Variants in TMTC2 observed in about 807,000 individuals in gnomAD.
TMTC2 encodes transmembrane O-mannosyltransferase targeting cadherins 2.
In TMTC2, 43 loss-of-function variants were observed where a neutral mutation model predicts 82.4. The ratio of observed to expected loss-of-function variants is 0.52; its 90% CI spans 0.41 to 0.67. The LOEUF (loss-of-function observed/expected upper bound fraction) is 0.67. TMTC2 is among the 30% of genes least tolerant of loss of function. The pLI is 0.00. For synonymous variants in TMTC2, 408 were observed against 381.9 expected, an observed-to-expected ratio of 1.07 and a Z score of -0.80; for missense variants, 919 against 1,012.4, an observed-to-expected ratio of 0.91 and a Z score of 1.25.
chr12:83,120,380 G>GA (rs529140727), intron 11 of TMTC2, among the ~76,000 whole-genome samples: 45 of 152,250 alleles, frequency 3.0e-4, no homozygotes, highest in Non-Finnish European at 3.4e-4. Flanking sequence ...TTGTTTGTCT[G>GA]AAAAAGACTG....
intron 3 of TMTC2, among the ~76,000 whole-genome samples, chr12:82,906,757 T>C (rs1347827717): frequency 6.6e-6 from 1 of 152,092 alleles, no homozygotes; most frequent in East Asian, 1.9e-4. Flanking sequence ...GGAAAACCAC[T>C]ATAGTATTTT....
intron 1 of TMTC2, among the ~76,000 whole-genome samples, chr12:82,720,243 A>C (rs1466004920): frequency 1.3e-5 from 2 of 152,158 alleles, no homozygotes; most frequent in African/African-American, 4.8e-5. Context: ...CCCCGACCCC[A>C]GCCCTCTGCA....
At chr12:82,978,609 TGTG>T (rs1878784137) in intron 7 of TMTC2, among the ~76,000 whole-genome samples, 1 of 151,850 alleles carries the variant, frequency 6.6e-6, no homozygotes, top group South Asian at 2.1e-4. Context: ...TGGCATAATA[TGTG>T]GTCTATTCTT....
intron 4 of TMTC2, among the ~76,000 whole-genome samples, chr12:82,940,553 T>C (rs748988145): frequency 3.0e-4 from 46 of 152,198 alleles, no homozygotes; most frequent in African/African-American, 4.3e-4. Flanking sequence ...TTCTGTATCA[T>C]AAATCTTACT....
intron 1 of TMTC2, among the ~76,000 whole-genome samples, chr12:82,842,834 T>C (rs1037318003): frequency 6.6e-6 from 1 of 152,180 alleles, no homozygotes; most frequent in African/African-American, 2.4e-5. Flanking sequence ...CCAAATTTTT[T>C]TTCTTGGACA....
At chr12:83,032,273 A>T (rs1209854406) in intron 9 of TMTC2, among the ~76,000 whole-genome samples, 1 of 26,886 alleles carries the variant, frequency 3.7e-5, no homozygotes, top group South Asian at 2.6e-3. Flanking sequence ...ATATATATAT[A>T]TATATATATA....
At chr12:83,085,281 T>TC (rs1883613031) in intron 11 of TMTC2, among the ~76,000 whole-genome samples, 1 of 152,200 alleles carries the variant, frequency 6.6e-6, no homozygotes, top group South Asian at 2.1e-4. Context: ...TGTTCTGACT[T>TC]CCCGTGACAG....
intron 8 of TMTC2, among the ~76,000 whole-genome samples, chr12:83,030,068 C>T (rs890437556): frequency 8.6e-5 from 13 of 151,882 alleles, no homozygotes; most frequent in African/African-American, 3.1e-4. Context: ...AAATATTTGG[C>T]CTGTAATATT....
At chr12:83,077,795 G>C (rs1237065969) in intron 11 of TMTC2, among the ~76,000 whole-genome samples, 1 of 148,254 alleles carries the variant, frequency 6.7e-6, no homozygotes, top group Non-Finnish European at 1.5e-5. Context: ...GGATGATCTT[G>C]ATCTCTTTAC....
At chr12:82,984,008 A>G (rs1261860161) in intron 7 of TMTC2, among the ~76,000 whole-genome samples, 1 of 152,084 alleles carries the variant, frequency 6.6e-6, no homozygotes, top group Admixed American at 6.5e-5. Flanking sequence ...GTTAGTTTTT[A>G]TAGAGATATG....
chr12:82,731,925 A>C (rs1437774228), intron 1 of TMTC2, among the ~76,000 whole-genome samples: 3 of 152,198 alleles, frequency 2.0e-5, no homozygotes, highest in African/African-American at 7.2e-5. Context: ...GTAAGTCATG[A>C]GGGCTTTCCC....
chr12:82,929,622 C>G (rs750622448), intron 3 of TMTC2, among the ~76,000 whole-genome samples: 4 of 152,102 alleles, frequency 2.6e-5, no homozygotes, highest in Non-Finnish European at 5.9e-5. Context: ...TCTTCTCATC[C>G]TCATCATTTG....
At position 82,694,260 on chromosome 12, in the gene TMTC2, T is replaced by C. The variant is rs1872696482; in HGVS notation, c.83+6591T>C. Among the ~76,000 whole-genome samples the C allele has an allele frequency of 1.3e-5, 2 of 152,168 alleles. 1 individual carries two copies. Among genetic ancestry groups the C allele is most frequent in the South Asian group, 4.1e-4 (2 of 4,828 alleles). On this transcript the variant is annotated intron_variant, in intron 1 of 11. Transcript: ENST00000321196. ...TTTGAAAAGCTAGAGATAATTATTT[T>C]AAAGATGAGATAGAGAGGTTTTGAT... is the stretch of plus-strand genomic sequence containing the variant.
In TMTC2 at chr12:82,726,469, C is replaced by T. The variant is rs948137477; in HGVS notation, c.83+38800C>T. On this transcript the variant is annotated intron_variant, in intron 1 of 11. Coordinates refer to ENST00000321196, the MANE Select transcript of TMTC2 (RefSeq NM_152588.3). Reference sequence around the variant, plus strand: ...GCTAGACACTTTACATATACTTTCTCCACCAGAGACTTTTCAGTGATGCTG... The same window carrying T: ...GCTAGACACTTTACATATACTTTCTTCACCAGAGACTTTTCAGTGATGCTG... 4.0e-4 allele frequency among the ~76,000 whole-genome samples: 61 copies of T among 151,838 alleles called. 1 individual carries two copies. The highest frequency in any genetic ancestry group is 1.5e-3 in the African/African-American group (60 of 41,146).
chr12:82,853,109 C>CT (rs1185301395), intron 1 of TMTC2, among the ~76,000 whole-genome samples: 4,257 of 145,046 alleles, frequency 0.029, 175 homozygotes, highest in African/African-American at 0.088. Flanking sequence ...AGTTTTTTTT[C>CT]TTTTTTTTTT....
At chr12:83,009,735 T>C (rs75355254) in intron 8 of TMTC2, among the ~76,000 whole-genome samples, 2,720 of 152,266 alleles carry the variant, frequency 0.018, 72 homozygotes, top group African/African-American at 0.061. Flanking sequence ...GGTTGTCTAA[T>C]ATAACAGTGG....
At chr12:83,028,509 G>T (rs569260605) in intron 8 of TMTC2, among the ~76,000 whole-genome samples, 1 of 152,086 alleles carries the variant, frequency 6.6e-6, no homozygotes, top group Non-Finnish European at 1.5e-5. Context: ...ATTGCAGTTC[G>T]CTCTTTTGTG....
chr12:82,999,231 A>G (rs1055501331), intron 8 of TMTC2, among the ~76,000 whole-genome samples: 3 of 152,148 alleles, frequency 2.0e-5, no homozygotes, highest in African/African-American at 7.2e-5. Context: ...TTTGAGGAGT[A>G]AAGGTCATAT....
intron 3 of TMTC2, among the ~76,000 whole-genome samples, chr12:82,926,123 G>A (rs1875703076): frequency 6.6e-6 from 1 of 151,988 alleles, no homozygotes; most frequent in African/African-American, 2.4e-5. Flanking sequence ...TGGGACTACA[G>A]GCGTGTGCCA....
Sources: allele counts gnomAD v4.1 joint callset (sites outside exome capture counted in the v4.1 genomes callset), GRCh38; gene constraint gnomAD v4.1.1; transcripts MANE v1.5; gene names NCBI Gene and HGNC (gene_info 2026-07-23, HGNC 2026-07-21).